CLCNKA: variants seen among roughly 807,000 people sequenced by gnomAD.
The protein encoded by CLCNKA is chloride voltage-gated channel Ka, also known as chloride channel protein ClC-Ka.
In CLCNKA, 66 loss-of-function variants were observed where a neutral mutation model predicts 83.3. That is an observed-to-expected ratio of 0.79 (90% CI 0.65 to 0.97). The LOEUF (loss-of-function observed/expected upper bound fraction) is 0.97. Among genes scored for constraint, CLCNKA ranks in the 50% least tolerant of loss-of-function variants. The probability of loss-of-function intolerance (pLI) is 0.00; values close to 1 mark genes in which losing one functional copy is unlikely to be tolerated. For missense variants in CLCNKA, 806 were observed against 888.7 expected, an observed-to-expected ratio of 0.91 and a Z score of 1.18; for synonymous variants, 357 against 370.4, an observed-to-expected ratio of 0.96 and a Z score of 0.42.
At chr1:16,028,519 C>T (rs1332604142) in intron 10 of CLCNKA, 2 of 666,180 alleles carry the variant, frequency 3.0e-6, no homozygotes, top group East Asian at 2.7e-5. Context: ...CCCAATTCTC[C>T]TCTCAATCTC....
At chr1:16,030,236 C>T (rs540131865) in intron 14 of CLCNKA, among the ~76,000 whole-genome samples, 161 bp downstream of exon 14, 13 of 152,298 alleles carry the variant, frequency 8.5e-5, no homozygotes, top group African/African-American at 2.6e-4. Flanking sequence ...CACCATTCCC[C>T]GGGGCCCATC....
In CLCNKA at chr1:16,032,086, C is replaced by A. The variant is rs574008682; in HGVS notation, c.1757-117C>A. 5.9e-6 allele frequency: 7 copies of A among 1,194,092 alleles called. No homozygotes were observed. In the East Asian group the frequency reaches 1.4e-4, roughly 24 times the overall value. 74.0% of individuals were successfully genotyped at this position (1,194,092 alleles called of 1,614,324 possible). On this transcript the variant is annotated intron_variant, in intron 16 of 19. Coordinates refer to ENST00000331433, the MANE Select transcript of CLCNKA (RefSeq NM_004070.4). The stretch of plus-strand genomic sequence containing the variant: ...GTCGGCTGGGTGCTTGTAAGGCAGT[C>A]CCTGGGCAGCTGCTGGGGTAGGAGC...
rs12746751 is a variant in CLCNKA at position 16,033,642 on chromosome 1, C to T, written c.2048C>T (p.Pro683Leu). Residue 683 changes from proline (P) to leucine (L), a missense_variant, in exon 20 of 20, where the codon CCG becomes CTG. Pro to Leu is a moderately conservative substitution (Grantham distance 98). Coordinates refer to ENST00000331433, the MANE Select transcript of CLCNKA (RefSeq NM_004070.4). Reference protein sequence around the residue: ...MKKAISNLTNPPAPK With the variant: ...MKKAISNLTNLPAPK ...AAAGCAATTTCCAACCTGACAAATC[C>T]GCCAGCTCCAAAGTGAGCCGGCCCA... The T allele has an allele frequency of 0.094, 148,347 of 1,577,052 alleles. 7,636 individuals are homozygous for T. The highest frequency in any genetic ancestry group is 0.11 in the African/African-American group (8,228 of 71,854).
chr1:16,030,621 C>T lies in CLCNKA; in HGVS notation c.1569C>T (p.Thr523=), dbSNP rs535111305. 1 of 1,613,078 alleles carries T rather than the reference C, an allele frequency of 6.2e-7. No individual in the cohort carries two copies. The highest frequency in any genetic ancestry group is 2.2e-5 in the East Asian group (1 of 44,878). The stretch of plus-strand genomic sequence containing the variant: ...GCCAGCCCTCCTTCTATGATGGCAC[C>T]ATCATTGTCAAGAAGCTGCCATACC... ...QSCQPSFYDG[T]IIVKKLPYLP... The change falls in exon 15 of 20, where the codon ACC becomes ACT. Residue 523 remains threonine (T), a synonymous_variant. Coordinates refer to ENST00000331433, the MANE Select transcript of CLCNKA (RefSeq NM_004070.4).
chr1:16,028,271 G>C (rs1420395525), intron 10 of CLCNKA, 152 bp downstream of exon 10: 25 of 745,398 alleles, frequency 3.4e-5, no homozygotes, highest in Non-Finnish European at 5.6e-5. Flanking sequence ...AGTCCCCACA[G>C]TCACTGTCCC....
intron 9 of CLCNKA, 30 bp downstream of exon 9, chr1:16,027,935 C>T: frequency 6.2e-7 from 1 of 1,613,980 alleles, no homozygotes; most frequent in Non-Finnish European, 8.5e-7. Flanking sequence ...CCCTGAGAGT[C>T]CAAAAGGCAT....
At position 16,026,462 on chromosome 1, in the gene CLCNKA, G is replaced by T. The variant is rs760874889; in HGVS notation, c.499-74G>T. ...GTTGGGGAGATGGAGGAGGGGGTGTGGTGGGGAAGCCGTGCTGCCTCGGGG... is the reference window on the plus strand; with the variant it reads ...GTTGGGGAGATGGAGGAGGGGGTGTTGTGGGGAAGCCGTGCTGCCTCGGGG... On this transcript the variant is annotated intron_variant, in intron 5 of 19. Coordinates refer to ENST00000331433, the MANE Select transcript of CLCNKA (RefSeq NM_004070.4). 4,677 of 1,592,596 alleles carry T rather than the reference G, an allele frequency of 2.9e-3. 15 individuals are homozygous for T. The highest frequency in any genetic ancestry group is 3.7e-3 in the Non-Finnish European group (4,322 of 1,163,002).
At position 16,029,758 on chromosome 1, in the gene CLCNKA, A is replaced by G. The variant is rs201976704; in HGVS notation, c.1255A>G (p.Ile419Val). The G allele has an allele frequency of 2.9e-5, 46 of 1,613,860 alleles. No individual in the cohort carries two copies. Among genetic ancestry groups the G allele is most frequent in the Non-Finnish European group, 3.8e-5 (45 of 1,179,988 alleles). ...KFWMLILATT[I>V]PMPAGYFMPI... ...CTGGATGCTGATTCTGGCCACCACCATCCCCATGCCTGCCGGGTACTTCAT... is the reference window on the plus strand; with the variant it reads ...CTGGATGCTGATTCTGGCCACCACCGTCCCCATGCCTGCCGGGTACTTCAT... The change falls in exon 13 of 20, where the codon ATC becomes GTC. Residue 419 changes from isoleucine to valine, a missense_variant. Ile to Val is a conservative substitution (Grantham distance 29). Coordinates refer to ENST00000331433, the MANE Select transcript of CLCNKA (RefSeq NM_004070.4).
At chr1:16,031,026 C>G (rs1224820826) in intron 15 of CLCNKA, among the ~76,000 whole-genome samples, 1 of 152,186 alleles carries the variant, frequency 6.6e-6, no homozygotes, top group Non-Finnish European at 1.5e-5. Context: ...GGTCTCCTCC[C>G]CTCTCCCCAC....
chr1:16,022,731 G>GTCC lies in CLCNKA; in HGVS notation c.100+15_100+17dup, dbSNP rs1312024253. ...CCGAGCCATCCAAGGTGAGAGCCAG[G>GTCC]TCCTCTTCCCTACCCGCGGGGGACC... On this transcript the variant is annotated intron_variant, in intron 2 of 19. Coordinates refer to ENST00000331433, the MANE Select transcript of CLCNKA (RefSeq NM_004070.4). The GTCC allele has an allele frequency of 6.6e-7, 1 of 1,510,058 alleles. No homozygotes were observed. The highest frequency in any genetic ancestry group is 8.9e-7 in the Non-Finnish European group (1 of 1,123,710). 93.5% of individuals were successfully genotyped at this position (1,510,058 alleles called of 1,614,324 possible).
At chr1:16,029,941 C>T in intron 13 of CLCNKA, 24 bp from the exon 14 acceptor site, 1 of 1,602,900 alleles carries the variant, frequency 6.2e-7, no homozygotes, top group South Asian at 1.1e-5. Context: ...GCCTGGCTCC[C>T]CCTCACCCTA....
chr1:16,032,317 A>G (rs779143317), intron 17 of CLCNKA, 26 bp downstream of exon 17: 2 of 504,064 alleles, frequency 4.0e-6, no homozygotes, highest in Non-Finnish European at 7.9e-6. Context: ...GGGCGTGGGG[A>G]TGGGGCGGGG....
intron 10 of CLCNKA, 180 bp from the exon 11 acceptor site, chr1:16,028,581 G>A (rs1349233868): frequency 1.4e-5 from 11 of 766,910 alleles, no homozygotes; most frequent in Admixed American, 5.9e-5. Flanking sequence ...CTCACCCCAC[G>A]GGTTCTACCC....
At chr1:16,033,488 A>G (rs1001633867) in intron 19 of CLCNKA, 123 bp from the exon 20 acceptor site, 5 of 965,260 alleles carry the variant, frequency 5.2e-6, no homozygotes, top group Non-Finnish European at 8.2e-6. Flanking sequence ...CATCTGTGCA[A>G]TGGGGTGGCA....
rs1405370123 is a variant in CLCNKA, at chr1:16,033,702, A to C, written c.*44A>C. 2 of 1,598,206 alleles carry C rather than the reference A, an allele frequency of 1.3e-6. No homozygotes were observed. The highest frequency in any genetic ancestry group is 1.7e-5 in the Admixed American group (1 of 59,688). On this transcript the variant is annotated 3_prime_UTR_variant, in exon 20 of 20. Transcript: ENST00000331433. The stretch of plus-strand genomic sequence containing the variant: ...AACAGGGCACCCCAGCTGACCTGGT[A>C]CTGAGGTTGGGCTGAGACCCTGCTT...
intron 5 of CLCNKA, 81 bp from the exon 6 acceptor site, chr1:16,026,455 G>A: frequency 1.9e-6 from 3 of 1,578,072 alleles, no homozygotes; most frequent in African/African-American, 1.3e-5. Context: ...GATGGAGGAG[G>A]GGGTGTGGTG....
In CLCNKA at chr1:16,026,886, G is replaced by T. The variant is rs550783487; in HGVS notation, c.655+111G>T. On this transcript the variant is annotated intron_variant, in intron 7 of 19. Transcript: ENST00000331433. ...GGAGGAGGGGATGGGGCTCATTCTT[G>T]TTCTCACTTCAGCCCCGCTTTGGGT... The T allele has an allele frequency of 5.0e-5, 72 of 1,439,100 alleles. No homozygotes were observed. The African/African-American group carries it at 9.2e-4, about 18-fold the overall frequency. The allele number at this position is 1,439,100 out of a possible 1,614,324, so 89.1% of individuals were successfully genotyped here.
chr1:16,026,986 G>A lies in CLCNKA; in HGVS notation c.655+211G>A, dbSNP rs555447337. 4 of 680,646 alleles carry A rather than the reference G, an allele frequency of 5.9e-6. No homozygotes were observed. The East Asian group carries it at 1.1e-4, about 18-fold the overall frequency. 42.2% of individuals were successfully genotyped at this position (680,646 alleles called of 1,614,324 possible). ...GTTGGGCGGTGCTGAGAGGCTTCAGGATAACATTACACAGACTTGGGTTTG... is the reference window on the plus strand; with the variant it reads ...GTTGGGCGGTGCTGAGAGGCTTCAGAATAACATTACACAGACTTGGGTTTG... On this transcript the variant is annotated intron_variant, in intron 7 of 19. Transcript: ENST00000331433.
chr1:16,023,324 C>G (rs540271434), intron 2 of CLCNKA, among the ~76,000 whole-genome samples: 2 of 152,336 alleles, frequency 1.3e-5, no homozygotes, highest in South Asian at 4.1e-4. Flanking sequence ...CCCTGGTGCT[C>G]TCTAAGCTAT....
Sources: allele counts gnomAD v4.1 joint callset (sites outside exome capture counted in the v4.1 genomes callset), GRCh38; gene constraint gnomAD v4.1.1; transcripts MANE v1.5; gene names NCBI Gene and HGNC (gene_info 2026-07-23, HGNC 2026-07-21).